The following S100Z variants were observed in gnomAD, a reference collection of about 807,000 sequenced individuals.
The protein encoded by S100Z is S100 calcium binding protein Z, also known as protein S100-Z.
A neutral mutation model predicts 8.5 loss-of-function variants in S100Z; 11 were observed. The ratio of observed to expected loss-of-function variants is 1.30; its 90% CI spans 0.82 to 2.15. The LOEUF (loss-of-function observed/expected upper bound fraction) is 2.15. Among genes scored for constraint, S100Z ranks in the 30% most tolerant of loss-of-function variants. The pLI is 0.00. For synonymous variants in S100Z, 34 were observed against 43.8 expected (o/e 0.78, Z 0.89); for missense variants, 126 against 117.9 (o/e 1.07, Z -0.32).
the S100Z span, among the ~76,000 whole-genome samples, chr5:76,938,715 T>TA: frequency 6.6e-6 from 1 of 152,246 alleles, no homozygotes; most frequent in Non-Finnish European, 1.5e-5. Flanking sequence ...TTTTAGTTTT[T>TA]ACGTCTATGT....
At chr5:76,851,344 C>A (rs1298436291) in intron 1 of S100Z, among the ~76,000 whole-genome samples, 2 of 152,152 alleles carry the variant, frequency 1.3e-5, no homozygotes, top group African/African-American at 4.8e-5. Context: ...TGCCTCCCAG[C>A]AGGCAGGGGA....
the S100Z span, among the ~76,000 whole-genome samples, chr5:76,927,375 A>AG: frequency 1.3e-5 from 2 of 152,154 alleles, no homozygotes; most frequent in Non-Finnish European, 2.9e-5. Flanking sequence ...GAAGATGCCA[A>AG]GTTGTGCTCT....
intron 4 of S100Z, among the ~76,000 whole-genome samples, chr5:76,914,276 TG>T (rs1744778581): frequency 6.6e-6 from 1 of 152,134 alleles, no homozygotes; most frequent in African/African-American, 2.4e-5. Context: ...TGAAGCCGGC[TG>T]GGCTTCTGGG....
At position 76,894,024 on chromosome 5, in the gene S100Z, G is replaced by C. The variant is rs565517505; in HGVS notation, c.*2+16190G>C. On this transcript the variant is annotated intron_variant, in intron 4 of 4. Transcript: ENST00000317593. ...AAATTTAACCTGAAAGACTGGTTCA[G>C]GTCATGAAGGGAAGTGGGGGTCTGA... Among the ~76,000 whole-genome samples, 14 of 152,308 alleles carry C rather than the reference G, an allele frequency of 9.2e-5. No individual in the cohort carries two copies. The South Asian group carries it at 2.3e-3, about 25-fold the overall frequency.
downstream of S100Z, among the ~76,000 whole-genome samples, chr5:76,922,819 A>G (rs1325671946): frequency 6.6e-6 from 1 of 152,096 alleles, no homozygotes; most frequent in African/African-American, 2.4e-5. Flanking sequence ...CACCATGCCT[A>G]GCCAAAGAGA....
At chr5:76,930,406 G>T in the S100Z span, among the ~76,000 whole-genome samples, 2 of 152,116 alleles carry the variant, frequency 1.3e-5, no homozygotes, top group Admixed American at 6.5e-5. Context: ...AGGTCCCTAG[G>T]AACACAATAG....
chr5:76,877,281 G>A (rs535124548), intron 3 of S100Z, among the ~76,000 whole-genome samples: 3 of 152,220 alleles, frequency 2.0e-5, no homozygotes, highest in South Asian at 2.1e-4. Context: ...AATGTTACGC[G>A]ATTTGCTCAA....
In S100Z at chr5:76,868,824, G is replaced by A. The variant is rs535925578; in HGVS notation, c.-175-1342G>A. On this transcript the variant is annotated intron_variant, in intron 1 of 4. Transcript: ENST00000317593. ...TTTTTAGTAGAGACGGGGTTTCACC[G>A]TTTTGGTCAGGCTGGTCTCAAACTC... 6.0e-4 allele frequency among the ~76,000 whole-genome samples: 91 copies of A among 151,972 alleles called. 1 individual carries two copies. The highest frequency in any genetic ancestry group is 2.0e-3 in the African/African-American group (82 of 41,478).
At chr5:76,877,878 A>G (rs752705878) in intron 4 of S100Z, 44 bp downstream of exon 4, 3 of 1,353,078 alleles carry the variant, frequency 2.2e-6, no homozygotes, top group Non-Finnish European at 3.2e-6. Context: ...ATCCAAAGTT[A>G]TGTACTTAAT....
intron 4 of S100Z, 84 bp downstream of exon 4, chr5:76,877,918 C>G (rs1451826760): frequency 1.2e-6 from 1 of 813,572 alleles, no homozygotes; most frequent in African/African-American, 1.7e-5. Context: ...ATCTATAGAC[C>G]CAGTAATGTC....
downstream of S100Z, among the ~76,000 whole-genome samples, chr5:76,925,425 G>C (rs1275116949): frequency 6.6e-6 from 1 of 152,112 alleles, no homozygotes. Context: ...AACAGAGTAG[G>C]TCTCACACTC....
intron 4 of S100Z, among the ~76,000 whole-genome samples, chr5:76,911,517 T>C (rs527288835): frequency 2.8e-4 from 42 of 152,328 alleles, no homozygotes; most frequent in African/African-American, 9.6e-4. Context: ...TCTCAACTTA[T>C]GTGGACCGTC....
intron 4 of S100Z, among the ~76,000 whole-genome samples, chr5:76,909,282 T>A (rs1391083210): frequency 6.6e-6 from 1 of 152,116 alleles, no homozygotes; most frequent in African/African-American, 2.4e-5. Context: ...CCTAAGCCAA[T>A]GGGACCAATT....
At chr5:76,913,678 C>A (rs1401602176) in intron 4 of S100Z, among the ~76,000 whole-genome samples, 3 of 152,258 alleles carry the variant, frequency 2.0e-5, no homozygotes, top group Non-Finnish European at 4.4e-5. Flanking sequence ...ATAACAAAAT[C>A]TATCCTTACT....
intron 4 of S100Z, among the ~76,000 whole-genome samples, chr5:76,893,623 T>C (rs907053736): frequency 2.0e-5 from 3 of 152,172 alleles, no homozygotes; most frequent in Non-Finnish European, 4.4e-5. Context: ...ACAATTATGT[T>C]CGGTGCCTCC....
chr5:76,873,663 T>C (rs1343715087), intron 2 of S100Z, among the ~76,000 whole-genome samples: 1 of 151,972 alleles, frequency 6.6e-6, no homozygotes, highest in Non-Finnish European at 1.5e-5. Flanking sequence ...TGCAGGGAGG[T>C]TGCAGTGGAG....
intron 3 of S100Z, among the ~76,000 whole-genome samples, chr5:76,875,827 C>T (rs1232915556): frequency 6.6e-6 from 1 of 152,092 alleles, no homozygotes; most frequent in Non-Finnish European, 1.5e-5. Context: ...GCTAGTTATA[C>T]CTGGAGCTTG....
chr5:76,855,563 T>C (rs1006955695), intron 1 of S100Z, among the ~76,000 whole-genome samples: 18 of 152,226 alleles, frequency 1.2e-4, no homozygotes, highest in South Asian at 4.1e-4. Flanking sequence ...TGGCCTCTTT[T>C]TGGGGGCTGA....
At chr5:76,951,308 C>T in the S100Z span, among the ~76,000 whole-genome samples, 2 of 152,130 alleles carry the variant, frequency 1.3e-5, no homozygotes, top group African/African-American at 2.4e-5. Flanking sequence ...CACGTGCATG[C>T]GTGCATGTGT....
Sources: allele counts gnomAD v4.1 joint callset (sites outside exome capture counted in the v4.1 genomes callset), GRCh38; gene constraint gnomAD v4.1.1; transcripts MANE v1.5; gene names NCBI Gene and HGNC (gene_info 2026-07-23, HGNC 2026-07-21).